SLCO3A1: variants seen among roughly 807,000 people sequenced by gnomAD.
The protein encoded by SLCO3A1 is PGE1 transporter.
In SLCO3A1, 27 loss-of-function variants were observed where a neutral mutation model predicts 63.1. That is an observed-to-expected ratio of 0.43 (90% CI 0.32 to 0.59). The LOEUF (loss-of-function observed/expected upper bound fraction) is 0.59, where lower values mean the gene tolerates loss of function less well. Ranked by LOEUF, SLCO3A1 falls within the 20% of genes least tolerant of loss-of-function variation. The probability of loss-of-function intolerance (pLI) is 0.09; values close to 1 mark genes in which losing one functional copy is unlikely to be tolerated. For synonymous variants in SLCO3A1, 473 were observed against 409.9 expected, an observed-to-expected ratio of 1.15 and a Z score of -1.86; for missense variants, 773 against 945.8, an observed-to-expected ratio of 0.82 and a Z score of 2.40.
rs1426581690 is a variant in SLCO3A1, at chr15:91,916,107, T to G, written c.295T>G (p.Phe99Val). Residue 99 changes from phenylalanine (F) to valine (V), a missense_variant, in exon 2 of 10, where the codon TTC (phenylalanine) becomes GTC (valine). Transcript: ENST00000318445. The surrounding 1 kb of genome is among the most constrained non-coding windows in gnomAD (Gnocchi z 6.2). ...GGCGCTCATCCTCTTCGTGAGCTAC[T>G]TCGGGGCACGCGGGCACCGGCCGCG... ...NLALILFVSY[F>V]GARGHRPRLI... is the part of the protein sequence containing the mutation. 14 of 1,612,058 alleles carry G rather than the reference T, an allele frequency of 8.7e-6. No homozygotes were observed. Among genetic ancestry groups the G allele is most frequent in the Non-Finnish European group, 1.1e-5 (13 of 1,179,752 alleles).
At position 91,862,399 on chromosome 15, in the gene SLCO3A1, A is replaced by G. The variant is rs1293412704; in HGVS notation, c.180+8311A>G. ...TCGAACTCCTGACCTCAAGTGATCCACTCACCTCAGCCTTAGCATTGGTTT... is the reference window on the plus strand; with the variant it reads ...TCGAACTCCTGACCTCAAGTGATCCGCTCACCTCAGCCTTAGCATTGGTTT... On this transcript the variant is annotated intron_variant, in intron 1 of 9. Coordinates refer to ENST00000318445, the MANE Select transcript of SLCO3A1 (RefSeq NM_013272.4). The surrounding 1 kb of genome is among the most constrained non-coding windows in gnomAD (Gnocchi z 4.0). 1.3e-5 allele frequency among the ~76,000 whole-genome samples: 2 copies of G among 151,812 alleles called. No individual in the cohort carries two copies. Among genetic ancestry groups the G allele is most frequent in the Non-Finnish European group, 2.9e-5 (2 of 67,962 alleles).
At chr15:92,133,621 C>T (rs1380057132) in intron 7 of SLCO3A1, among the ~76,000 whole-genome samples, 1 of 145,052 alleles carries the variant, frequency 6.9e-6, no homozygotes, top group African/African-American at 2.5e-5. Context: ...GAACTGCGCA[C>T]GCGAGGGATC....
intron 2 of SLCO3A1, among the ~76,000 whole-genome samples, chr15:92,014,852 T>C (rs990899513): frequency 6.6e-6 from 1 of 151,606 alleles, no homozygotes; most frequent in African/African-American, 2.4e-5. Context: ...AGAGTAGGCA[T>C]TGAGGGAGGT....
intron 3 of SLCO3A1, among the ~76,000 whole-genome samples, chr15:92,099,926 C>T (rs988403058): frequency 6.6e-6 from 1 of 151,822 alleles, no homozygotes; most frequent in Non-Finnish European, 1.5e-5. Flanking sequence ...ATTAGCCGGG[C>T]GTGTTGGTAG....
At chr15:92,114,437 G>T (rs936172474) in intron 4 of SLCO3A1, among the ~76,000 whole-genome samples, 1 of 152,112 alleles carries the variant, frequency 6.6e-6, no homozygotes, top group East Asian at 1.9e-4. Context: ...GTCCCACGTG[G>T]CTTCTGGCTT....
chr15:91,980,076 G>C (rs896470727), intron 2 of SLCO3A1, among the ~76,000 whole-genome samples: 2 of 152,184 alleles, frequency 1.3e-5, no homozygotes, highest in African/African-American at 4.8e-5. Context: ...GGCTGGATTT[G>C]CACATTTCTT....
At position 92,109,959 on chromosome 15, in the gene SLCO3A1, G is replaced by A. The variant is rs116176919; in HGVS notation, c.1009+5417G>A. ...CCTAGTTCTCCAGATTCCAAATCCCGTGCTCTTTCCCGTTTCCTGTAAGGG... is the reference window on the plus strand; with the variant it reads ...CCTAGTTCTCCAGATTCCAAATCCCATGCTCTTTCCCGTTTCCTGTAAGGG... On this transcript the variant is annotated intron_variant, in intron 4 of 9. Transcript: ENST00000318445. Among the ~76,000 whole-genome samples the A allele has an allele frequency of 6.7e-3, 1,022 of 152,138 alleles. 14 individuals are homozygous for A. Among genetic ancestry groups the A allele is most frequent in the African/African-American group, 0.022 (904 of 41,504 alleles).
chr15:92,006,761 A>G (rs1017649111), intron 2 of SLCO3A1, among the ~76,000 whole-genome samples: 1 of 152,234 alleles, frequency 6.6e-6, no homozygotes, highest in South Asian at 2.1e-4. Context: ...AACAGGATAG[A>G]TGTGTCTAGT....
At chr15:91,981,562 C>A (rs2045987108) in intron 2 of SLCO3A1, among the ~76,000 whole-genome samples, 1 of 152,122 alleles carries the variant, frequency 6.6e-6, no homozygotes, top group Non-Finnish European at 1.5e-5. Flanking sequence ...CCTTCAAGGA[C>A]CAGCTCACAT....
intron 2 of SLCO3A1, among the ~76,000 whole-genome samples, chr15:91,926,709 G>A (rs558198608): frequency 3.0e-4 from 46 of 152,218 alleles, no homozygotes; most frequent in African/African-American, 1.0e-3. Context: ...TTTCTTTAGC[G>A]CTCAGATTCA....
chr15:92,052,062 C>G (rs2046964778), intron 2 of SLCO3A1, among the ~76,000 whole-genome samples: 1 of 152,120 alleles, frequency 6.6e-6, no homozygotes, highest in Non-Finnish European at 1.5e-5. Context: ...GAATTCAGAG[C>G]AAAAGTGGTA....
At chr15:91,953,550 C>T (rs117988301) in intron 2 of SLCO3A1, among the ~76,000 whole-genome samples, 1,669 of 152,240 alleles carry the variant, frequency 0.011, 15 homozygotes, top group Middle Eastern at 0.02. Flanking sequence ...AGAGGGGAGC[C>T]GCTCATGTTG....
intron 2 of SLCO3A1, among the ~76,000 whole-genome samples, chr15:91,955,485 G>A (rs910160887): frequency 2.6e-5 from 4 of 152,032 alleles, no homozygotes; most frequent in South Asian, 4.1e-4. Context: ...GGCGTGTGCC[G>A]CCCCACCCGG....
intron 2 of SLCO3A1, among the ~76,000 whole-genome samples, chr15:92,049,472 G>C (rs2046930897): frequency 6.6e-6 from 1 of 152,158 alleles, no homozygotes; most frequent in Non-Finnish European, 1.5e-5. Flanking sequence ...TTGCCCTGCT[G>C]TCACCATGGC....
chr15:92,063,756 A>G (rs969704096), intron 2 of SLCO3A1, among the ~76,000 whole-genome samples: 1 of 152,206 alleles, frequency 6.6e-6, no homozygotes, highest in East Asian at 1.9e-4. Flanking sequence ...AGGCTGAGAC[A>G]GGAGAATTGC....
intron 4 of SLCO3A1, 105 bp downstream of exon 4, chr15:92,104,647 G>A: frequency 8.4e-7 from 1 of 1,191,702 alleles, no homozygotes; most frequent in Non-Finnish European, 1.2e-6. Context: ...GGGACTTGGT[G>A]GAGGCAGAAT....
intron 2 of SLCO3A1, among the ~76,000 whole-genome samples, chr15:92,019,528 G>A (rs1188898209): frequency 6.6e-6 from 1 of 152,220 alleles, no homozygotes; most frequent in Non-Finnish European, 1.5e-5. Flanking sequence ...GGTGTTTAAG[G>A]TACGACACAC....
At chr15:92,006,880 A>C (rs778292093) in intron 2 of SLCO3A1, among the ~76,000 whole-genome samples, 1 of 152,228 alleles carries the variant, frequency 6.6e-6, no homozygotes, top group African/African-American at 2.4e-5. Context: ...TCCTTTTAGC[A>C]ATGTCTCCCT....
intron 3 of SLCO3A1, 81 bp downstream of exon 3, chr15:92,095,060 A>C: frequency 2.1e-6 from 2 of 947,092 alleles, no homozygotes; most frequent in South Asian, 2.6e-5. Context: ...TGTGGGTTCT[A>C]AAACCTTCTT....
Sources: gnomAD v4.1 joint callset for allele counts (sites outside exome capture counted in the v4.1 genomes callset) on GRCh38, gnomAD v4.1.1 for gene constraint, Gnocchi (gnomAD v3.1) non-coding constraint, MANE v1.5 for transcripts, NCBI Gene and HGNC (gene_info 2026-07-23, HGNC 2026-07-21) for gene names.